Variants in EIPR1 observed in about 807,000 individuals in gnomAD.
The protein encoded by EIPR1 is EARP complex and GARP complex interacting protein 1, also known as EARP and GARP complex-interacting protein 1.
In EIPR1, 25 loss-of-function variants were observed where a neutral mutation model predicts 48.1. That is an observed-to-expected ratio of 0.52 (90% CI 0.38 to 0.73). The LOEUF is 0.73. EIPR1 is among the 30% of genes least tolerant of loss of function. The pLI, the probability that EIPR1 is intolerant of heterozygous loss-of-function variation, is 0.00. For synonymous variants in EIPR1, 204 were observed against 201.9 expected (o/e 1.01, Z -0.09); for missense variants, 415 against 506.2 (o/e 0.82, Z 1.73).
chr2:3,205,162 G>A (rs62119002), intron 5 of EIPR1, among the ~76,000 whole-genome samples: 7 of 152,306 alleles, frequency 4.6e-5, no homozygotes, highest in Non-Finnish European at 7.3e-5. Flanking sequence ...CACGGCAAGC[G>A]GGAGGGGCTG....
chr2:3,240,937 TTCCTAAAGCAAAGCCAGCAGATCCC>T (rs1666596717), intron 4 of EIPR1, among the ~76,000 whole-genome samples: 1 of 87,936 alleles, frequency 1.1e-5, no homozygotes, highest in Non-Finnish European at 2.3e-5. Context: ...CAGCAGATCC[TTCCTAAAGCAAAGCCAGCAGATCCC>T]TCCTAAAGCA....
chr2:3,241,555 C>T (rs1347355010), intron 4 of EIPR1, among the ~76,000 whole-genome samples: 1 of 152,190 alleles, frequency 6.6e-6, no homozygotes, highest in Non-Finnish European at 1.5e-5. Context: ...CTACTCCAAA[C>T]TAAGACGTTT....
chr2:3,348,063 G>C (rs1476510118), intron 2 of EIPR1, among the ~76,000 whole-genome samples: 10 of 152,198 alleles, frequency 6.6e-5, no homozygotes, highest in African/African-American at 2.4e-4. Flanking sequence ...AACAGGACTT[G>C]CAGGCGGGGG....
At chr2:3,201,039 T>A (rs1665016574) in intron 5 of EIPR1, among the ~76,000 whole-genome samples, 1 of 152,092 alleles carries the variant, frequency 6.6e-6, no homozygotes, top group Non-Finnish European at 1.5e-5. Flanking sequence ...GCCTGGGGTG[T>A]CTCGGGACCA....
chr2:3,301,350 C>T (rs1668757367), intron 3 of EIPR1: 1 of 152,176 alleles, frequency 6.6e-6, no homozygotes, highest in African/African-American at 2.4e-5. Context: ...AACTGGCCTT[C>T]ACTCCCTGTG....
intron 2 of EIPR1, among the ~76,000 whole-genome samples, chr2:3,341,121 C>CAAAA (rs1258563248): frequency 3.3e-5 from 3 of 91,604 alleles, no homozygotes; most frequent in South Asian, 7.7e-4. Flanking sequence ...AAAAAAAAAA[C>CAAAA]AAAACAAAAC....
intron 3 of EIPR1, among the ~76,000 whole-genome samples, chr2:3,259,601 C>G (rs149301111): frequency 4.9e-4 from 74 of 151,172 alleles, no homozygotes; most frequent in African/African-American, 1.7e-3. Flanking sequence ...AATGGAGGAA[C>G]CTCCAAGAAA....
In EIPR1 at chr2:3,221,094, G is replaced by A. The variant is rs12987803; in HGVS notation, c.417-6846C>T. 5.9e-3 allele frequency among the ~76,000 whole-genome samples: 47 copies of A among 7,920 alleles called. 1 individual carries two copies. The highest frequency in any genetic ancestry group is 0.17 in the Middle Eastern group (1 of 6). 5.2% of individuals were successfully genotyped at this position (7,920 alleles called of 152,430 possible). ...CACAATGGCCGAGGTACACTCTAGA[G>A]CATTCACAGTGAGTCCGGAACACAC... On this transcript the variant is annotated intron_variant, in intron 4 of 8. Transcript: ENST00000382125.
At chr2:3,359,956 A>G (rs1330234084) in intron 1 of EIPR1, among the ~76,000 whole-genome samples, 2 of 152,220 alleles carry the variant, frequency 1.3e-5, no homozygotes, top group Non-Finnish European at 2.9e-5. Flanking sequence ...CCAAAGGGGA[A>G]AAAGAACCCA....
intron 3 of EIPR1, among the ~76,000 whole-genome samples, chr2:3,302,823 G>A (rs544861522): frequency 4.6e-5 from 7 of 152,206 alleles, no homozygotes; most frequent in African/African-American, 9.6e-5. Context: ...GGCTGAGCTC[G>A]GGGCGCTCCA....
chr2:3,361,790 C>T, intron 1 of EIPR1, among the ~76,000 whole-genome samples: 1 of 150,690 alleles, frequency 6.6e-6, no homozygotes, highest in Non-Finnish European at 1.5e-5. Context: ...CCATCTGACC[C>T]TGCCCAAGCC....
chr2:3,281,425 T>C (rs1668008048), intron 3 of EIPR1, among the ~76,000 whole-genome samples: 1 of 151,966 alleles, frequency 6.6e-6, no homozygotes, highest in Non-Finnish European at 1.5e-5. Flanking sequence ...ATTAGGCGCC[T>C]GGGAATACTT....
intron 4 of EIPR1, among the ~76,000 whole-genome samples, chr2:3,215,254 G>A (rs1466112303): frequency 1.3e-5 from 2 of 152,154 alleles, no homozygotes; most frequent in Admixed American, 6.5e-5. Context: ...AGGCAGAGAG[G>A]AGAAGATGAT....
intron 3 of EIPR1, among the ~76,000 whole-genome samples, chr2:3,333,749 C>CA (rs769152280): frequency 0.07 from 5,055 of 72,182 alleles, 138 homozygotes; most frequent in South Asian, 0.14. Context: ...ACCCTACCTC[C>CA]AAAAAAAAAA....
chr2:3,252,450 G>T (rs1161325194), intron 4 of EIPR1, among the ~76,000 whole-genome samples: 2 of 152,158 alleles, frequency 1.3e-5, no homozygotes, highest in Non-Finnish European at 2.9e-5. Flanking sequence ...AATTAGCCAG[G>T]CGTGGTGGTG....
At chr2:3,197,481 C>T (rs1664852109) in intron 5 of EIPR1, among the ~76,000 whole-genome samples, 1 of 152,192 alleles carries the variant, frequency 6.6e-6, no homozygotes, top group Non-Finnish European at 1.5e-5. Context: ...CCCACACGGC[C>T]TTCGCCTGGC....
intron 1 of EIPR1, among the ~76,000 whole-genome samples, chr2:3,367,109 A>T (rs1002196203): frequency 2.6e-5 from 1 of 39,188 alleles, no homozygotes; most frequent in South Asian, 6.4e-4. Context: ...GATGAAATTA[A>T]AAAAAAAAAA....
At chr2:3,340,214 T>C (rs950248334) in intron 2 of EIPR1, among the ~76,000 whole-genome samples, 12 of 152,256 alleles carry the variant, frequency 7.9e-5, no homozygotes, top group Non-Finnish European at 1.6e-4. Context: ...GGAGTCATTC[T>C]GGACTTGCTC....
At chr2:3,262,672 A>T (rs1033661921) in intron 3 of EIPR1, among the ~76,000 whole-genome samples, 2 of 152,212 alleles carry the variant, frequency 1.3e-5, no homozygotes, top group African/African-American at 4.8e-5. Flanking sequence ...GACTTTGTGG[A>T]GAGCCCGGTT....
Sources: gnomAD v4.1 joint callset for allele counts (sites outside exome capture counted in the v4.1 genomes callset) on GRCh38, gnomAD v4.1.1 for gene constraint, MANE v1.5 for transcripts, NCBI Gene and HGNC (gene_info 2026-07-23, HGNC 2026-07-21) for gene names.